The following RIMS1 variants were observed in gnomAD, a reference collection of about 807,000 sequenced individuals.
The protein encoded by RIMS1 is regulating synaptic membrane exocytosis 1.
A neutral mutation model predicts 214.1 loss-of-function variants in RIMS1; 83 were observed. The ratio of observed to expected loss-of-function variants is 0.39; its 90% CI spans 0.32 to 0.47. The LOEUF (loss-of-function observed/expected upper bound fraction) is 0.47. RIMS1 is among the 20% of genes least tolerant of loss of function. The pLI is 0.99. For synonymous variants in RIMS1, 793 were observed against 786.8 expected, an observed-to-expected ratio of 1.01 and a Z score of -0.13; for missense variants, 2,050 against 2,161.8, an observed-to-expected ratio of 0.95 and a Z score of 1.03.
At chr6:72,205,899 A>C (rs1220393045) in intron 6 of RIMS1, among the ~76,000 whole-genome samples, 1 of 152,148 alleles carries the variant, frequency 6.6e-6, no homozygotes, top group Non-Finnish European at 1.5e-5. Flanking sequence ...GTTATATTTA[A>C]TGACATAAAA....
Position 72,092,659 on chromosome 6 carries a change from C to T in RIMS1, c.246-4290C>T, listed in dbSNP as rs376297643. On this transcript the variant is annotated intron_variant, in intron 2 of 33. Coordinates refer to ENST00000521978, the MANE Select transcript of RIMS1 (RefSeq NM_014989.7). ...GGCCAGCATTGAGAAGGATGTGATT[C>T]CCTGTAGAGTTTGGAGTGATGGCTG... 7.9e-5 allele frequency among the ~76,000 whole-genome samples: 12 copies of T among 152,142 alleles called. No homozygotes were observed. In the East Asian group the frequency reaches 1.3e-3, roughly 17 times the overall value.
At chr6:72,208,838 C>T (rs2053348161) in intron 6 of RIMS1, among the ~76,000 whole-genome samples, 1 of 152,168 alleles carries the variant, frequency 6.6e-6, no homozygotes, top group Admixed American at 6.5e-5. Context: ...ATTCCCTACT[C>T]AACCCTGGCT....
chr6:72,245,905 T>A (rs528474158), intron 11 of RIMS1, 44 bp downstream of exon 11: 1 of 1,345,756 alleles, frequency 7.4e-7, no homozygotes, highest in South Asian at 1.2e-5. Flanking sequence ...ATTGAACTAA[T>A]TGAAAGTAAA....
chr6:72,393,169 C>T (rs141632977), intron 31 of RIMS1, among the ~76,000 whole-genome samples: 6 of 150,650 alleles, frequency 4.0e-5, no homozygotes, highest in Middle Eastern at 3.5e-3. Context: ...TTCCCTCACG[C>T]CTACACAACT....
chr6:72,201,760 T>C (rs1448967339), intron 6 of RIMS1, among the ~76,000 whole-genome samples: 1 of 152,204 alleles, frequency 6.6e-6, no homozygotes, highest in Non-Finnish European at 1.5e-5. Context: ...AATTTTAACA[T>C]ATTCCTGAGT....
chr6:72,279,661 G>T (rs1057301950), intron 23 of RIMS1, among the ~76,000 whole-genome samples: 1 of 151,888 alleles, frequency 6.6e-6, no homozygotes, highest in Non-Finnish European at 1.5e-5. Flanking sequence ...TTGTTCACTC[G>T]TGCCCAGGGA....
intron 1 of RIMS1, among the ~76,000 whole-genome samples, chr6:71,914,055 A>C (rs1042632748): frequency 2.0e-5 from 3 of 152,150 alleles, no homozygotes; most frequent in Non-Finnish European, 2.9e-5. Context: ...GCAGAGTCCT[A>C]TTTCATTGTG....
chr6:72,324,139 A>T (rs2096328980), intron 28 of RIMS1, among the ~76,000 whole-genome samples: 2 of 151,940 alleles, frequency 1.3e-5, no homozygotes, highest in Non-Finnish European at 1.5e-5. Flanking sequence ...ATGGGAGTTC[A>T]TGTTGAAGAA....
chr6:72,053,507 G>T (rs546429295), intron 2 of RIMS1, among the ~76,000 whole-genome samples: 1 of 152,212 alleles, frequency 6.6e-6, no homozygotes, highest in East Asian at 1.9e-4. Context: ...AAGATAGACA[G>T]GAGTAAAGAT....
chr6:72,185,102 A>G (rs932919261), intron 6 of RIMS1, among the ~76,000 whole-genome samples: 3 of 152,188 alleles, frequency 2.0e-5, no homozygotes, highest in South Asian at 2.1e-4. Flanking sequence ...CCAGAACCCC[A>G]TGAGTTCAAC....
chr6:72,217,315 G>A (rs898933354), intron 6 of RIMS1: 33 of 1,317,628 alleles, frequency 2.5e-5, no homozygotes, highest in Non-Finnish European at 3.4e-5. Context: ...ATCCAAAAGA[G>A]TAAGATACTA....
chr6:71,912,458 G>A (rs1200983408), intron 1 of RIMS1, among the ~76,000 whole-genome samples: 1 of 152,026 alleles, frequency 6.6e-6, no homozygotes, highest in African/African-American at 2.4e-5. Flanking sequence ...CCTTGTTATT[G>A]CTGTTATTAT....
At chr6:72,132,699 C>A (rs991319884) in intron 4 of RIMS1, among the ~76,000 whole-genome samples, 1 of 151,968 alleles carries the variant, frequency 6.6e-6, no homozygotes, top group Non-Finnish European at 1.5e-5. Context: ...TAGGCCAGTG[C>A]AGACAAATCT....
intron 29 of RIMS1, among the ~76,000 whole-genome samples, chr6:72,345,850 T>C (rs2097248901): frequency 6.6e-6 from 1 of 151,712 alleles, no homozygotes; most frequent in South Asian, 2.1e-4. Flanking sequence ...TGTTACCATT[T>C]ACTAAGAGGG....
At chr6:72,215,823 C>T (rs2055730633) in intron 6 of RIMS1, among the ~76,000 whole-genome samples, 1 of 152,096 alleles carries the variant, frequency 6.6e-6, no homozygotes, top group African/African-American at 2.4e-5. Context: ...TCATTTAAGG[C>T]TGATATTTTG....
chr6:72,258,114 A>G lies in RIMS1; in HGVS notation c.2771-11A>G. 6.2e-7 allele frequency: 1 copy of G among 1,610,234 alleles called. No individual in the cohort carries two copies. The highest frequency in any genetic ancestry group is 8.5e-7 in the Non-Finnish European group (1 of 1,177,848). On this transcript the variant is annotated splice_polypyrimidine_tract_variant and intron_variant, in intron 16 of 33. Coordinates refer to ENST00000521978, the MANE Select transcript of RIMS1 (RefSeq NM_014989.7). The stretch of plus-strand genomic sequence containing the variant: ...TACTGACTAAATTTTTTCTGTGTGT[A>G]CTTTTGCCAGTAGGCTATAGGTCTA...
intron 2 of RIMS1, among the ~76,000 whole-genome samples, chr6:72,015,851 G>A (rs1471108034): frequency 6.6e-5 from 10 of 152,100 alleles, no homozygotes; most frequent in Admixed American, 2.0e-4. Context: ...GCATGAACCC[G>A]GGAGGCAGAG....
chr6:72,050,685 C>A (rs748843457), intron 2 of RIMS1, among the ~76,000 whole-genome samples: 14 of 152,026 alleles, frequency 9.2e-5, no homozygotes, highest in Non-Finnish European at 1.6e-4. Context: ...GTGTGTCTGG[C>A]CTCCTTTGGG....
chr6:72,201,052 C>T (rs552453001), intron 6 of RIMS1, among the ~76,000 whole-genome samples: 14 of 151,918 alleles, frequency 9.2e-5, no homozygotes, highest in South Asian at 2.1e-4. Flanking sequence ...GGAGTTATGA[C>T]GAAACATAAG....
Sources: allele counts gnomAD v4.1 joint callset (sites outside exome capture counted in the v4.1 genomes callset), GRCh38; gene constraint gnomAD v4.1.1; transcripts MANE v1.5; gene names NCBI Gene and HGNC (gene_info 2026-07-23, HGNC 2026-07-21).